Variants in RAB27A observed in about 807,000 individuals in gnomAD.
The protein encoded by RAB27A is RAB27A, member RAS oncogene family, also known as ras-related protein Rab-27A.
A neutral mutation model predicts 20.8 loss-of-function variants in RAB27A; 17 were observed. The observed-to-expected ratio is 0.82, with a 90% CI of 0.56 to 1.23. RAB27A has a LOEUF of 1.23. Among genes scored for constraint, RAB27A ranks in the 50% most tolerant of loss-of-function variants. RAB27A has a pLI of 0.00. For missense variants in RAB27A, 277 were observed against 266.7 expected (o/e 1.04, Z -0.27); for synonymous variants, 85 against 92.8 (o/e 0.92, Z 0.48).
intron 1 of RAB27A, among the ~76,000 whole-genome samples, chr15:55,274,434 G>T (rs1295219685): frequency 2.0e-5 from 3 of 151,852 alleles, no homozygotes; most frequent in African/African-American, 7.3e-5. Flanking sequence ...AAACAGAAAA[G>T]AAAGAAAAGA....
In RAB27A at chr15:55,315,209, T is replaced by C. The variant is rs547134740; in HGVS notation, c.-233-1049A>G. 2.6e-5 allele frequency among the ~76,000 whole-genome samples: 4 copies of C among 152,324 alleles called. No individual in the cohort carries two copies. In the East Asian group the frequency reaches 5.8e-4, roughly 22 times the overall value. The stretch of plus-strand genomic sequence containing the variant: ...GTGCTGGGAAAACTGGCTAGCCATA[T>C]GCAGAAAACAGAAACTGGACCCCTT... On this transcript the variant is annotated intron_variant, in intron 1 of 5. Transcript: ENST00000563262.
intron 2 of RAB27A, among the ~76,000 whole-genome samples, chr15:55,253,281 T>C (rs1347146738): frequency 1.3e-5 from 2 of 151,534 alleles, no homozygotes; most frequent in African/African-American, 2.4e-5. Context: ...AACCCATCTC[T>C]ACTAAAAATA....
intron 2 of RAB27A, chr15:55,259,810 CT>C (rs1897210454): frequency 1.3e-5 from 2 of 152,154 alleles, no homozygotes; most frequent in South Asian, 4.1e-4. Context: ...TGTTTCAGGG[CT>C]TTACATTTGG....
At chr15:55,301,345 T>C (rs2054970618) in intron 2 of RAB27A, among the ~76,000 whole-genome samples, 1 of 152,178 alleles carries the variant, frequency 6.6e-6, no homozygotes, top group African/African-American at 2.4e-5. Flanking sequence ...AGATGGATTA[T>C]AGACTACCAC....
intron 2 of RAB27A, among the ~76,000 whole-genome samples, chr15:55,241,606 A>C (rs1427779240): frequency 2.3e-5 from 3 of 132,316 alleles, no homozygotes; most frequent in African/African-American, 1.1e-4. Context: ...CTATTTATAT[A>C]TATATATATA....
At chr15:55,227,956 G>A (rs1168664087) in intron 5 of RAB27A, among the ~76,000 whole-genome samples, 1 of 152,188 alleles carries the variant, frequency 6.6e-6, no homozygotes, top group Admixed American at 6.5e-5. Context: ...ACATTTGAAA[G>A]CTGTTATGCA....
rs190549344 is a variant in RAB27A at position 55,253,316 on chromosome 15, G to C, written c.-23+16849C>G. 2.9e-3 allele frequency among the ~76,000 whole-genome samples: 431 copies of C among 149,736 alleles called. 1 individual carries two copies. Among genetic ancestry groups the C allele is most frequent in the African/African-American group, 9.8e-3 (401 of 40,740 alleles). ...ACAAAAATTAGCCGGGCACGGTGGC[G>C]GGTGCCTATAATTCCAGCTACCCCA... On this transcript the variant is annotated intron_variant, in intron 2 of 6. Coordinates refer to ENST00000336787, the MANE Select transcript of RAB27A (RefSeq NM_183235.3).
chr15:55,238,702 C>T (rs1896363147), intron 2 of RAB27A, among the ~76,000 whole-genome samples: 1 of 152,164 alleles, frequency 6.6e-6, no homozygotes, highest in East Asian at 1.9e-4. Context: ...GTCTTTCTAG[C>T]ACAAACGATT....
chr15:55,214,134 C>T (rs1566899841), intron 6 of RAB27A, among the ~76,000 whole-genome samples: 1 of 152,156 alleles, frequency 6.6e-6, no homozygotes, highest in South Asian at 2.1e-4. Context: ...TGTTTTAGCA[C>T]AGCTATTAAA....
In RAB27A at chr15:55,306,445, G is replaced by A. The variant is rs778256235; in HGVS notation, c.-112+7594C>T. ...GTAGTTTTGAGAGATCTAGTCCTTT[G>A]TAGGGGCTAGGCGTGCTATGTACTC... On this transcript the variant is annotated intron_variant, in intron 2 of 5. Transcript: ENST00000563262. Among the ~76,000 whole-genome samples the A allele has an allele frequency of 3.3e-5, 5 of 152,180 alleles. No individual in the cohort carries two copies. The East Asian group carries it at 9.6e-4, about 29-fold the overall frequency.
intron 1 of RAB27A, among the ~76,000 whole-genome samples, chr15:55,316,600 G>GA (rs1260728505): frequency 6.7e-6 from 1 of 149,930 alleles, no homozygotes; most frequent in Admixed American, 6.6e-5. Flanking sequence ...AAAAAAAGGA[G>GA]AAAAAAAGAA....
intron 2 of RAB27A, among the ~76,000 whole-genome samples, chr15:55,248,796 A>G (rs2141029453): frequency 6.6e-6 from 1 of 152,208 alleles, no homozygotes; most frequent in South Asian, 2.1e-4. Flanking sequence ...AGCTTCTTCC[A>G]TTTGTTGTCA....
At chr15:55,288,560 C>G (rs930912922) in intron 1 of RAB27A, among the ~76,000 whole-genome samples, 2 of 148,160 alleles carry the variant, frequency 1.3e-5, no homozygotes, top group Non-Finnish European at 3.0e-5. Flanking sequence ...TATACTTCAA[C>G]GAAATTAAAA....
intron 6 of RAB27A, among the ~76,000 whole-genome samples, chr15:55,212,600 G>A (rs529322207): frequency 4.2e-4 from 63 of 149,014 alleles, no homozygotes; most frequent in African/African-American, 1.5e-3. Context: ...CGCCATCCTG[G>A]CTCACTGCAA....
intron 2 of RAB27A, among the ~76,000 whole-genome samples, chr15:55,256,985 TG>T (rs1205103663): frequency 1.3e-5 from 2 of 152,118 alleles, no homozygotes; most frequent in Admixed American, 1.3e-4. Flanking sequence ...CGCATGGGAA[TG>T]GGAAGAAGGG....
intron 2 of RAB27A, among the ~76,000 whole-genome samples, chr15:55,241,160 C>A (rs1178508731): frequency 3.9e-5 from 6 of 152,136 alleles, no homozygotes; most frequent in Admixed American, 1.3e-4. Context: ...GCCCCTAAAC[C>A]AAAAATTAAT....
At chr15:55,249,145 C>G (rs1157484938) in intron 2 of RAB27A, 1 of 152,218 alleles carries the variant, frequency 6.6e-6, no homozygotes, top group African/African-American at 2.4e-5. Context: ...GCCATCCAGC[C>G]AGTTTCTAAC....
chr15:55,232,041 T>C (rs1217309208), intron 3 of RAB27A, among the ~76,000 whole-genome samples: 1 of 152,208 alleles, frequency 6.6e-6, no homozygotes, highest in Non-Finnish European at 1.5e-5. Context: ...AAAAAGGTCC[T>C]AATCTCTCAC....
chr15:55,306,816 A>T (rs2054998847), intron 2 of RAB27A, among the ~76,000 whole-genome samples: 2 of 152,114 alleles, frequency 1.3e-5, no homozygotes, highest in Non-Finnish European at 2.9e-5. Flanking sequence ...TGGCATGGAG[A>T]GGGTGCAGTG....
Sources: allele counts gnomAD v4.1 joint callset (sites outside exome capture counted in the v4.1 genomes callset), GRCh38; gene constraint gnomAD v4.1.1; transcripts MANE v1.5; gene names NCBI Gene and HGNC (gene_info 2026-07-23, HGNC 2026-07-21).